The following THRSP variants were observed in gnomAD, a reference collection of about 807,000 sequenced individuals.
THRSP encodes the protein thyroid hormone-inducible hepatic protein.
Under a neutral mutation model 11.1 loss-of-function variants are expected in THRSP, and 9 were observed. The ratio of observed to expected loss-of-function variants is 0.81; its 90% CI spans 0.49 to 1.42. THRSP has a LOEUF of 1.42. THRSP is among the 40% of genes most tolerant of loss of function. THRSP has a pLI of 0.00. For missense variants in THRSP, 177 were observed against 188.2 expected (o/e 0.94, Z 0.35); for synonymous variants, 73 against 78.1 (o/e 0.94, Z 0.34).
At chr11:78,066,414 C>T (rs1168381782) in intron 1 of THRSP, among the ~76,000 whole-genome samples, 2 of 152,222 alleles carry the variant, frequency 1.3e-5, no homozygotes, top group African/African-American at 4.8e-5. Flanking sequence ...ATCCACCTGC[C>T]TCGGCCTCCC....
chr11:78,064,081 G>A lies in THRSP; in HGVS notation c.200G>A (p.Cys67Tyr), dbSNP rs374050383. 17 of 1,614,110 alleles carry A rather than the reference G, an allele frequency of 1.1e-5. No individual in the cohort carries two copies. Among genetic ancestry groups the A allele is most frequent in the African/African-American group, 4.0e-5 (3 of 74,946 alleles). ...YTYFTMLKAI[C>Y]VDVDHGLLPR... ...TACTTCACCATGCTCAAGGCCATCT[G>A]TGTGGATGTGGACCATGGGCTGCTG... Residue 67 changes from cysteine to tyrosine, a missense_variant, in exon 1 of 2, where the codon TGT becomes TAT. Cys to Tyr is a radical substitution (Grantham distance 194, BLOSUM62 -2). Transcript: ENST00000281030.
chr11:78,064,049 C>T lies in THRSP; in HGVS notation c.168C>T (p.Leu56=), dbSNP rs1858658165. 6 of 1,614,200 alleles carry T rather than the reference C, an allele frequency of 3.7e-6. No homozygotes were observed. Among genetic ancestry groups the T allele is most frequent in the Non-Finnish European group, 5.1e-6 (6 of 1,180,044 alleles). The change falls in exon 1 of 2, where the codon CTC becomes CTT. Residue 56 remains leucine (L), a synonymous_variant. Transcript: ENST00000281030. ...AGGCCCAGGCTGAGGCCCCTGATCT[C>T]TACACCTACTTCACCATGCTCAAGG... ...GGQAQAEAPD[L]YTYFTMLKAI...
chr11:78,065,072 A>G (rs2136805907), intron 1 of THRSP, among the ~76,000 whole-genome samples: 1 of 152,128 alleles, frequency 6.6e-6, no homozygotes, highest in East Asian at 1.9e-4. Context: ...AGTGTTTCCC[A>G]ACATTTTTTC....
At chr11:78,066,166 C>G (rs991555193) in intron 1 of THRSP, among the ~76,000 whole-genome samples, 2 of 152,074 alleles carry the variant, frequency 1.3e-5, no homozygotes, top group African/African-American at 2.4e-5. Context: ...ATTATCATCC[C>G]CCCCCACCTT....
chr11:78,068,328 T>TAATA lies in THRSP; in HGVS notation c.*692_*695dup, dbSNP rs1482507532. ...ATAAACCTATTATTTATTGCAGAACTAATAAAAAATCCAAAGCCTTGTATT... is the reference window on the plus strand; with the variant it reads ...ATAAACCTATTATTTATTGCAGAACTAATAAATAAAAAATCCAAAGCCTTGTATT... On this transcript the variant is annotated 3_prime_UTR_variant, in exon 2 of 2. Coordinates refer to ENST00000281030, the MANE Select transcript of THRSP (RefSeq NM_003251.4). 6.6e-5 allele frequency: 10 copies of TAATA among 152,204 alleles called. No individual in the cohort carries two copies. The highest frequency in any genetic ancestry group is 8.8e-5 in the Non-Finnish European group (6 of 68,036). 9.4% of individuals were successfully genotyped at this position (152,204 alleles called of 1,614,324 possible).
At chr11:78,065,275 G>A (rs911444366) in intron 1 of THRSP, among the ~76,000 whole-genome samples, 2 of 152,080 alleles carry the variant, frequency 1.3e-5, no homozygotes, top group African/African-American at 4.8e-5. Context: ...ATGCCTGTTG[G>A]GAAGCCCTGT....
intron 1 of THRSP, 55 bp downstream of exon 1, chr11:78,064,396 G>A: frequency 6.8e-7 from 1 of 1,464,946 alleles, no homozygotes; most frequent in East Asian, 2.3e-5. Context: ...TCCAGGAGAG[G>A]AGAGGGGGCA....
Position 78,064,165 on chromosome 11 carries a change from C to A in THRSP, c.284C>A (p.Thr95Lys), listed in dbSNP as rs770758349. The change falls in exon 1 of 2, where the codon ACA (threonine) becomes AAA (lysine). Residue 95 changes from threonine to lysine, a missense_variant. Thr to Lys is a moderately conservative substitution (Grantham distance 78). Coordinates refer to ENST00000281030, the MANE Select transcript of THRSP (RefSeq NM_003251.4). ...AGSEENGTAE[T>K]EEVEDESASG... ...AGCGAAGAGAATGGAACCGCAGAGA[C>A]AGAGGAAGTCGAGGACGAGAGTGCC... 6.2e-7 allele frequency: 1 copy of A among 1,614,022 alleles called. No homozygotes were observed. Among genetic ancestry groups the A allele is most frequent in the African/African-American group, 1.3e-5 (1 of 74,916 alleles).
rs1858815609 is a variant in THRSP, at chr11:78,067,931, A to G, written c.*292A>G. 6.6e-6 allele frequency: 1 copy of G among 152,236 alleles called. No individual in the cohort carries two copies. Among genetic ancestry groups the G allele is most frequent in the Non-Finnish European group, 1.5e-5 (1 of 68,074 alleles). 9.4% of individuals were successfully genotyped at this position (152,236 alleles called of 1,614,324 possible). A position where few individuals can be genotyped will look rare whatever the true frequency, so the allele number is the denominator to read the frequency against. ...GGAGGGACTAGACAATTACCTGTCCAGTGTGGTATGGTAGGAAGAGTGTAG... is the reference window on the plus strand; with the variant it reads ...GGAGGGACTAGACAATTACCTGTCCGGTGTGGTATGGTAGGAAGAGTGTAG... On this transcript the variant is annotated 3_prime_UTR_variant, in exon 2 of 2. Transcript: ENST00000281030.
At chr11:78,065,852 C>A (rs1472505321) in intron 1 of THRSP, among the ~76,000 whole-genome samples, 1 of 152,228 alleles carries the variant, frequency 6.6e-6, no homozygotes, top group Non-Finnish European at 1.5e-5. Flanking sequence ...CTGCTCCAGG[C>A]ATTTTCTCAG....
intron 1 of THRSP, 69 bp downstream of exon 1, chr11:78,064,410 G>A (rs1338005239): frequency 3.1e-5 from 42 of 1,362,098 alleles, no homozygotes; most frequent in Non-Finnish European, 4.0e-5. Flanking sequence ...GGGGGCAGTG[G>A]TGCAACCCAC....
chr11:78,065,289 A>G (rs1307991035), intron 1 of THRSP, among the ~76,000 whole-genome samples: 1 of 152,102 alleles, frequency 6.6e-6, no homozygotes, highest in Non-Finnish European at 1.5e-5. Context: ...GCCCTGTTGT[A>G]TGTACATATG....
rs1858649621 is a variant in THRSP, at chr11:78,063,908, C to T, written c.27C>T (p.Pro9=). Residue 9 remains proline, a synonymous_variant, in exon 1 of 2, where the codon CCC becomes CCT. Coordinates refer to ENST00000281030, the MANE Select transcript of THRSP (RefSeq NM_003251.4). ...TGCAGGTGCTAACCAAGCGTTACCC[C>T]AAGAACTGCCTGCTGACCGTCATGG... MQVLTKRY[P]KNCLLTVMDR... 1 of 1,590,680 alleles carries T rather than the reference C, an allele frequency of 6.3e-7. No individual in the cohort carries two copies.
chr11:78,063,909 A>G lies in THRSP; in HGVS notation c.28A>G (p.Lys10Glu), dbSNP rs372735577. 2.5e-6 allele frequency: 4 copies of G among 1,591,956 alleles called. No individual in the cohort carries two copies. Among genetic ancestry groups the G allele is most frequent in the Non-Finnish European group, 3.4e-6 (4 of 1,169,526 alleles). The change falls in exon 1 of 2, where the codon AAG becomes GAG. Residue 10 changes from lysine to glutamate, a missense_variant. Coordinates refer to ENST00000281030, the MANE Select transcript of THRSP (RefSeq NM_003251.4). Reference sequence around the variant, plus strand: ...GCAGGTGCTAACCAAGCGTTACCCCAAGAACTGCCTGCTGACCGTCATGGA... The same window carrying G: ...GCAGGTGCTAACCAAGCGTTACCCCGAGAACTGCCTGCTGACCGTCATGGA... MQVLTKRYPKNCLLTVMDRY... is the reference protein window; with the variant it reads MQVLTKRYPENCLLTVMDRY...
At chr11:78,067,271 G>A (rs1297561285) in intron 1 of THRSP, among the ~76,000 whole-genome samples, 1 of 151,774 alleles carries the variant, frequency 6.6e-6, no homozygotes, top group Non-Finnish European at 1.5e-5. Flanking sequence ...ACAGGCTCAC[G>A]CCACCATGCC....
chr11:78,066,449 G>GC (rs1328527402), intron 1 of THRSP, among the ~76,000 whole-genome samples: 1 of 152,214 alleles, frequency 6.6e-6, no homozygotes, highest in East Asian at 1.9e-4. Context: ...ACAGGCATGA[G>GC]CCACCGCGCC....
In THRSP at chr11:78,064,319, G is replaced by T; in HGVS notation, c.438G>T (p.Trp146Cys). ...RKYQEMTGQVW is the reference protein window; with the variant it reads ...RKYQEMTGQVC ...ACCAGGAAATGACGGGACAAGTTTGGTAGACCTTGGACACTAGGGAAGGTA... is the reference window on the plus strand; with the variant it reads ...ACCAGGAAATGACGGGACAAGTTTGTTAGACCTTGGACACTAGGGAAGGTA... The change falls in exon 1 of 2, where the codon TGG becomes TGT. Residue 146 changes from tryptophan to cysteine, a missense_variant. Physicochemically the swap from Trp to Cys is radical, Grantham distance 215. Transcript: ENST00000281030. 1 of 1,608,110 alleles carries T rather than the reference G, an allele frequency of 6.2e-7. No individual in the cohort carries two copies. Among genetic ancestry groups the T allele is most frequent in the Non-Finnish European group, 8.5e-7 (1 of 1,176,652 alleles).
At chr11:78,065,998 C>T (rs1217393092) in intron 1 of THRSP, among the ~76,000 whole-genome samples, 1 of 152,220 alleles carries the variant, frequency 6.6e-6, no homozygotes, top group South Asian at 2.1e-4. Flanking sequence ...TCTGGGTTCA[C>T]GTTCTGATTC....
intron 1 of THRSP, among the ~76,000 whole-genome samples, chr11:78,066,780 A>G (rs1858755759): frequency 6.6e-6 from 1 of 152,166 alleles, no homozygotes; most frequent in African/African-American, 2.4e-5. Flanking sequence ...AGCAACAGTT[A>G]AAAATCTGGG....
Sources: allele counts gnomAD v4.1 joint callset (sites outside exome capture counted in the v4.1 genomes callset), GRCh38; gene constraint gnomAD v4.1.1; transcripts MANE v1.5; gene names NCBI Gene and HGNC (gene_info 2026-07-23, HGNC 2026-07-21).